TMEM117: variants seen among roughly 807,000 people sequenced by gnomAD.
The protein encoded by TMEM117 is transmembrane protein 117.
A neutral mutation model predicts 52.4 loss-of-function variants in TMEM117; 27 were observed. The ratio of observed to expected loss-of-function variants is 0.51; its 90% CI spans 0.38 to 0.71. The LOEUF (loss-of-function observed/expected upper bound fraction) is 0.71, where lower values mean the gene tolerates loss of function less well. Ranked by LOEUF, TMEM117 falls within the 30% of genes least tolerant of loss-of-function variation. TMEM117 has a pLI of 0.00. For synonymous variants in TMEM117, 215 were observed against 206.3 expected, an observed-to-expected ratio of 1.04 and a Z score of -0.36; for missense variants, 556 against 630.5, an observed-to-expected ratio of 0.88 and a Z score of 1.26.
At chr12:43,802,562 G>A in the TMEM117 span, 1 of 893,918 alleles carries the variant, frequency 1.1e-6, no homozygotes, top group Non-Finnish European at 1.7e-6. Flanking sequence ...TCATTTCCCA[G>A]TTACTATTAT....
intron 3 of TMEM117, among the ~76,000 whole-genome samples, chr12:43,946,406 T>TTTTTTTTTTTTTTTA (rs147787124): frequency 7.6e-6 from 1 of 131,836 alleles, no homozygotes. Flanking sequence ...TTTGTTTTTT[T>TTTTTTTTTTTTTTTA]ATCTAGAGCT....
rs148434006 is a variant in TMEM117, at chr12:44,164,927, G to T, written c.510+21303G>T. Among the ~76,000 whole-genome samples the T allele has an allele frequency of 7.2e-5, 11 of 152,272 alleles. No individual in the cohort carries two copies. The East Asian group carries it at 2.1e-3, about 29-fold the overall frequency. On this transcript the variant is annotated intron_variant, in intron 4 of 7. Coordinates refer to ENST00000266534, the MANE Select transcript of TMEM117 (RefSeq NM_032256.3). Reference sequence around the variant, plus strand: ...TTATCATTTCTTTGTGTTGGGAACAGCTCAAATCTTCTGTTCTGGCTATTT... The same window carrying T: ...TTATCATTTCTTTGTGTTGGGAACATCTCAAATCTTCTGTTCTGGCTATTT...
At chr12:44,049,959 C>A (rs901243561) in intron 3 of TMEM117, among the ~76,000 whole-genome samples, 3 of 152,130 alleles carry the variant, frequency 2.0e-5, no homozygotes, top group Non-Finnish European at 2.9e-5. Context: ...ACAAATTTTA[C>A]AGAAAAGCTA....
At chr12:44,293,965 C>A (rs566634030) in intron 5 of TMEM117, among the ~76,000 whole-genome samples, 8 of 152,106 alleles carry the variant, frequency 5.3e-5, no homozygotes, top group Non-Finnish European at 1.0e-4. Context: ...GTTCTACCTT[C>A]AGCATTCTTT....
chr12:43,944,210 G>C lies in TMEM117; in HGVS notation c.278G>C (p.Gly93Ala). ...GKFLFHQRLF[G>A]QLLRLKMFRE... The stretch of plus-strand genomic sequence containing the variant: ...ATTTTTAATAATATTTGTATTTCAG[G>C]TCAGTTGCTCCGATTAAAAATGTTT... The change falls in exon 3 of 8, where the codon GGT becomes GCT. Residue 93 changes from glycine (G) to alanine (A), a missense_variant and splice_region_variant. Around this residue, in one of 3 missense-constraint regions of TMEM117, gnomAD observed 328 missense variants for 371.4 expected, o/e 0.88. Coordinates refer to ENST00000266534, the MANE Select transcript of TMEM117 (RefSeq NM_032256.3). The C allele has an allele frequency of 6.2e-7, 1 of 1,607,690 alleles. No individual in the cohort carries two copies. The highest frequency in any genetic ancestry group is 8.5e-7 in the Non-Finnish European group (1 of 1,177,716).
intron 3 of TMEM117, among the ~76,000 whole-genome samples, chr12:43,949,352 C>T (rs554219266): frequency 8.5e-5 from 13 of 152,274 alleles, no homozygotes; most frequent in East Asian, 5.8e-4. Context: ...ATTTCTTCTC[C>T]GCTGATTCTT....
intron 2 of TMEM117, among the ~76,000 whole-genome samples, chr12:43,904,771 T>TA (rs1848898552): frequency 6.6e-6 from 1 of 152,244 alleles, no homozygotes; most frequent in African/African-American, 2.4e-5. Flanking sequence ...TTTACATTGT[T>TA]ATACCAAGCA....
intron 3 of TMEM117, among the ~76,000 whole-genome samples, chr12:44,059,058 C>T (rs1947099664): frequency 6.6e-6 from 1 of 152,084 alleles, no homozygotes; most frequent in Non-Finnish European, 1.5e-5. Flanking sequence ...CTAGATTGCT[C>T]ACATGCACAG....
At chr12:44,328,840 T>C (rs551489139) in intron 6 of TMEM117, among the ~76,000 whole-genome samples, 1 of 152,056 alleles carries the variant, frequency 6.6e-6, no homozygotes, top group Non-Finnish European at 1.5e-5. Flanking sequence ...AGTAAACAAG[T>C]CTCTTGTTAC....
At chr12:44,023,525 T>C (rs1286160290) in intron 3 of TMEM117, among the ~76,000 whole-genome samples, 2 of 152,110 alleles carry the variant, frequency 1.3e-5, no homozygotes, top group Non-Finnish European at 2.9e-5. Context: ...TTCTAACTGG[T>C]GTGAGATGGT....
chr12:44,216,538 A>G (rs1205722375), intron 5 of TMEM117, among the ~76,000 whole-genome samples: 2 of 152,206 alleles, frequency 1.3e-5, no homozygotes, highest in African/African-American at 2.4e-5. Context: ...GCGCTGCCAT[A>G]ACGGAAAGCT....
intron 2 of TMEM117, among the ~76,000 whole-genome samples, chr12:43,928,270 A>G (rs773683177): frequency 5.9e-5 from 9 of 151,926 alleles, no homozygotes; most frequent in Non-Finnish European, 1.3e-4. Flanking sequence ...CAACTCCACA[A>G]AGTAGATGTT....
At chr12:44,397,758 T>G in the TMEM117 span, among the ~76,000 whole-genome samples, 2 of 152,224 alleles carry the variant, frequency 1.3e-5, no homozygotes, top group Non-Finnish European at 2.9e-5. Context: ...CATCCATTAA[T>G]TTGATTAGTT....
intron 3 of TMEM117, among the ~76,000 whole-genome samples, chr12:43,958,388 T>G (rs1351434352): frequency 1.3e-5 from 2 of 152,206 alleles, no homozygotes; most frequent in Admixed American, 1.3e-4. Context: ...AAAAGTTCCA[T>G]TTTTCTTGAT....
chr12:44,071,539 AT>A (rs1466182309), intron 3 of TMEM117, among the ~76,000 whole-genome samples: 2 of 152,196 alleles, frequency 1.3e-5, no homozygotes, highest in Non-Finnish European at 2.9e-5. Flanking sequence ...TACAATGTCT[AT>A]TTTACAGATA....
At chr12:44,302,284 CT>C (rs1028448214) in intron 6 of TMEM117, among the ~76,000 whole-genome samples, 3 of 152,212 alleles carry the variant, frequency 2.0e-5, no homozygotes, top group Non-Finnish European at 4.4e-5. Context: ...AGAGTCCAGC[CT>C]CTGGGAGCTC....
chr12:44,196,001 G>T (rs1949415424), intron 4 of TMEM117, among the ~76,000 whole-genome samples: 1 of 152,052 alleles, frequency 6.6e-6, no homozygotes, highest in Non-Finnish European at 1.5e-5. Context: ...CAGAAGGATT[G>T]CTTGAGCCCA....
chr12:43,972,370 G>A lies in TMEM117; in HGVS notation c.410+28028G>A, dbSNP rs1442396439. On this transcript the variant is annotated intron_variant, in intron 3 of 7. Transcript: ENST00000266534. ...CACTGACTTCAAGAATGAAGCCGTG[G>A]ACCTTTGCGGTGAGTGTTACAGCTC... 2.0e-5 allele frequency among the ~76,000 whole-genome samples: 3 copies of A among 152,190 alleles called. No individual in the cohort carries two copies. The East Asian group carries it at 5.8e-4, about 29-fold the overall frequency.
rs373116473 is a variant in TMEM117, at chr12:44,388,633, T to C, written c.1506T>C (p.Asp502=). The change falls in exon 8 of 8, where the codon GAT becomes GAC. Residue 502 remains aspartate, a synonymous_variant. Coordinates refer to ENST00000266534, the MANE Select transcript of TMEM117 (RefSeq NM_032256.3). ...AATCTACTAGTGCAACAGAAGCTGATCAAGACCCAACGACTTCTAAAAGTA... is the reference window on the plus strand; with the variant it reads ...AATCTACTAGTGCAACAGAAGCTGACCAAGACCCAACGACTTCTAAAAGTA... ...LNESTSATEA[D]QDPTTSKSTP... The C allele has an allele frequency of 5.0e-6, 8 of 1,613,242 alleles. No homozygotes were observed. The highest frequency in any genetic ancestry group is 4.2e-6 in the Non-Finnish European group (5 of 1,179,506).
Sources: allele counts gnomAD v4.1 joint callset (sites outside exome capture counted in the v4.1 genomes callset), GRCh38; gene constraint gnomAD v4.1.1; regional missense constraint gnomAD v4.1.1; transcripts MANE v1.5; gene names NCBI Gene and HGNC (gene_info 2026-07-23, HGNC 2026-07-21).